DPP6: variants seen among roughly 807,000 people sequenced by gnomAD.
DPP6 encodes A-type potassium channel modulatory protein DPP6.
Under a neutral mutation model 122.6 loss-of-function variants are expected in DPP6, and 69 were observed. The observed-to-expected ratio is 0.56, with a 90% CI of 0.46 to 0.69. The LOEUF is 0.69. DPP6 is among the 30% of genes least tolerant of loss of function. The pLI is 0.00. For missense variants in DPP6, 928 were observed against 1,116.9 expected, an observed-to-expected ratio of 0.83 and a Z score of 2.41; for synonymous variants, 418 against 433.1, an observed-to-expected ratio of 0.97 and a Z score of 0.43.
intron 1 of DPP6, among the ~76,000 whole-genome samples, chr7:153,908,947 T>G (rs1388706867): frequency 2.0e-5 from 3 of 151,992 alleles, no homozygotes; most frequent in African/African-American, 4.8e-5. Context: ...AGAGATGGGG[T>G]TTCACTATAT....
chr7:154,269,359 C>T (rs1392918806), intron 1 of DPP6, among the ~76,000 whole-genome samples: 1 of 152,088 alleles, frequency 6.6e-6, no homozygotes, highest in Non-Finnish European at 1.5e-5. Flanking sequence ...CTTAAGAGTT[C>T]TTGCAATAGT....
the DPP6 span, among the ~76,000 whole-genome samples, chr7:153,772,061 C>T: frequency 6.6e-6 from 1 of 152,090 alleles, no homozygotes; most frequent in Non-Finnish European, 1.5e-5. Context: ...TCCTTCACAG[C>T]ATACATTGTT....
intron 2 of DPP6, among the ~76,000 whole-genome samples, chr7:154,458,788 A>C (rs1821025155): frequency 6.6e-6 from 1 of 152,350 alleles, no homozygotes; most frequent in East Asian, 1.9e-4. Flanking sequence ...AAGACCATGA[A>C]CTGGACAACA....
chr7:154,715,116 G>C (rs1236068594), intron 7 of DPP6, among the ~76,000 whole-genome samples: 1 of 151,484 alleles, frequency 6.6e-6, no homozygotes, highest in Non-Finnish European at 1.5e-5. Context: ...GCCCAGGCTG[G>C]AGTGCCATGG....
At chr7:154,784,823 C>A (rs890532620) in intron 10 of DPP6, among the ~76,000 whole-genome samples, 1 of 152,226 alleles carries the variant, frequency 6.6e-6, no homozygotes, top group African/African-American at 2.4e-5. Flanking sequence ...ACCTTGCCAC[C>A]TTCATGAAGA....
At chr7:154,272,117 G>T (rs1370159795) in intron 1 of DPP6, among the ~76,000 whole-genome samples, 1 of 152,158 alleles carries the variant, frequency 6.6e-6, no homozygotes, top group Non-Finnish European at 1.5e-5. Flanking sequence ...ACCCTGAATT[G>T]TTCACTTTCA....
chr7:154,813,213 T>G (rs1168359570), intron 16 of DPP6, among the ~76,000 whole-genome samples: 3 of 151,956 alleles, frequency 2.0e-5, no homozygotes, highest in African/African-American at 7.2e-5. Flanking sequence ...CCTGAGTAGC[T>G]GGGACTACAG....
the DPP6 span, among the ~76,000 whole-genome samples, chr7:153,840,437 T>C: frequency 6.6e-6 from 1 of 152,112 alleles, no homozygotes; most frequent in African/African-American, 2.4e-5. Context: ...TTTTGGTACT[T>C]GTATGAATTC....
At chr7:154,676,736 G>A (rs1374702318) in intron 7 of DPP6, among the ~76,000 whole-genome samples, 1 of 152,250 alleles carries the variant, frequency 6.6e-6, no homozygotes, top group Non-Finnish European at 1.5e-5. Flanking sequence ...CAGGCCCAGT[G>A]GACATGTGTC....
chr7:153,838,575 A>C, the DPP6 span, among the ~76,000 whole-genome samples: 1 of 152,226 alleles, frequency 6.6e-6, no homozygotes, highest in Non-Finnish European at 1.5e-5. Flanking sequence ...TGAGTAACAA[A>C]GGATGTCTGT....
upstream of DPP6, among the ~76,000 whole-genome samples, chr7:153,882,830 T>C (rs1798791435): frequency 1.3e-5 from 2 of 152,078 alleles, no homozygotes; most frequent in South Asian, 2.1e-4. Flanking sequence ...GCAGATTCTA[T>C]GGGGCTTAGG....
Position 154,439,415 on chromosome 7 carries a change from T to C in DPP6, c.244-6799T>C, listed in dbSNP as rs564302682. Among the ~76,000 whole-genome samples the C allele has an allele frequency of 1.2e-4, 18 of 152,346 alleles. No individual in the cohort carries two copies. In the South Asian group the frequency reaches 3.3e-3, roughly 28 times the overall value. On this transcript the variant is annotated intron_variant, in intron 1 of 25. Coordinates refer to ENST00000377770, the MANE Select transcript of DPP6 (RefSeq NM_130797.4). ...CCTGATGTGTTGTGACATTTTTTTC[T>C]GTGGATGATCAGGTCACAGTGCTGC...
chr7:154,717,037 TG>T (rs1392010973), intron 7 of DPP6, among the ~76,000 whole-genome samples: 1 of 152,186 alleles, frequency 6.6e-6, no homozygotes, highest in Non-Finnish European at 1.5e-5. Flanking sequence ...TTCTTCATGT[TG>T]GTCAGGCTGG....
At chr7:153,885,168 A>G (rs1193236881), upstream of DPP6, among the ~76,000 whole-genome samples, 1 of 151,854 alleles carries the variant, frequency 6.6e-6, no homozygotes, top group East Asian at 1.9e-4. Context: ...CAAAGGAAGA[A>G]GCAAAAGAAC....
In DPP6 at chr7:154,795,832, C is replaced by A; in HGVS notation, c.1261-13C>A. 1 of 1,609,406 alleles carries A rather than the reference C, an allele frequency of 6.2e-7. No individual in the cohort carries two copies. The highest frequency in any genetic ancestry group is 1.1e-5 in the South Asian group (1 of 90,116). ...GAAAAACCCTCTTGTCTAATGCTCT[C>A]ATTTCATTTCAGAAACACGAGGATG... On this transcript the variant is annotated splice_polypyrimidine_tract_variant and intron_variant, in intron 11 of 25. Coordinates refer to ENST00000377770, the MANE Select transcript of DPP6 (RefSeq NM_130797.4).
At position 154,301,784 on chromosome 7, in the gene DPP6, C is replaced by T. The variant is rs1186836905; in HGVS notation, c.244-144430C>T. On this transcript the variant is annotated intron_variant, in intron 1 of 25. Coordinates refer to ENST00000377770, the MANE Select transcript of DPP6 (RefSeq NM_130797.4). ...AAGAACACTTAATACAAGATCTGCC[C>T]TCTTTTTTTTTTTTTTTTTTTTTTT... is the stretch of plus-strand genomic sequence containing the variant. Among the ~76,000 whole-genome samples the T allele has an allele frequency of 5.0e-5, 7 of 140,484 alleles. No individual in the cohort carries two copies. The Admixed American group carries it at 5.2e-4, about 10-fold the overall frequency. 92.2% of individuals were successfully genotyped at this position (140,484 alleles called of 152,430 possible).
chr7:153,978,722 G>A (rs1252604330), intron 1 of DPP6, among the ~76,000 whole-genome samples: 2 of 152,084 alleles, frequency 1.3e-5, no homozygotes, highest in African/African-American at 2.4e-5. Context: ...GTTAATTTTT[G>A]TATAAAGTGT....
chr7:153,987,446 C>G (rs1308498899), intron 1 of DPP6, among the ~76,000 whole-genome samples: 1 of 152,204 alleles, frequency 6.6e-6, no homozygotes, highest in Non-Finnish European at 1.5e-5. Context: ...AGCTTATTCC[C>G]CCTCACCAGG....
intron 17 of DPP6, among the ~76,000 whole-genome samples, chr7:154,861,784 G>C (rs1803419510): frequency 6.6e-6 from 1 of 152,154 alleles, no homozygotes; most frequent in Admixed American, 6.5e-5. Context: ...CTCATTTCCA[G>C]AGAAGACCTT....
Sources: gnomAD v4.1 joint callset for allele counts (sites outside exome capture counted in the v4.1 genomes callset) on GRCh38, gnomAD v4.1.1 for gene constraint, MANE v1.5 for transcripts, NCBI Gene and HGNC (gene_info 2026-07-23, HGNC 2026-07-21) for gene names.